ZNF385D: variants seen among roughly 807,000 people sequenced by gnomAD.
ZNF385D encodes the protein zinc finger protein 659.
A neutral mutation model predicts 35.8 loss-of-function variants in ZNF385D; 15 were observed. The observed-to-expected ratio is 0.42, with a 90% CI of 0.28 to 0.64. ZNF385D has a LOEUF of 0.64. ZNF385D is among the 30% of genes least tolerant of loss of function. The probability of loss-of-function intolerance (pLI) is 0.23; values close to 1 mark genes in which losing one functional copy is unlikely to be tolerated. For missense variants in ZNF385D, 474 were observed against 494.6 expected (o/e 0.96, Z 0.39); for synonymous variants, 212 against 186.8 (o/e 1.13, Z -1.10).
chr3:21,865,643 G>A (rs1043031566), intron 3 of ZNF385D, among the ~76,000 whole-genome samples: 5 of 152,044 alleles, frequency 3.3e-5, no homozygotes, highest in African/African-American at 1.2e-4. Flanking sequence ...GAACACTGCT[G>A]GGTAATCTGT....
chr3:21,787,718 A>G (rs1288672610), intron 3 of ZNF385D, among the ~76,000 whole-genome samples: 1 of 152,114 alleles, frequency 6.6e-6, no homozygotes, highest in Non-Finnish European at 1.5e-5. Context: ...ATCACAACAT[A>G]TTTGAGGAAA....
intron 2 of ZNF385D, among the ~76,000 whole-genome samples, chr3:21,617,131 T>G (rs2064871549): frequency 6.6e-6 from 1 of 152,170 alleles, no homozygotes; most frequent in Non-Finnish European, 1.5e-5. Flanking sequence ...CAAGCCTTAA[T>G]GTGTTAAGTA....
intron 1 of ZNF385D, among the ~76,000 whole-genome samples, chr3:21,728,279 T>TATAATA (rs111369677): frequency 0.054 from 7,854 of 144,818 alleles, 248 homozygotes; most frequent in South Asian, 0.13. Flanking sequence ...GAACTTAAAG[T>TATAATA]ATAATAATAA....
intron 2 of ZNF385D, among the ~76,000 whole-genome samples, chr3:21,636,388 A>ATGATTATATATATATATATATATATGAT (rs367979581): frequency 2.3e-5 from 1 of 43,484 alleles, no homozygotes; most frequent in Non-Finnish European, 4.0e-5. Flanking sequence ...TTATATATAT[A>ATGATTATATATATATATATATATATGAT]TATATATATA....
intron 1 of ZNF385D, among the ~76,000 whole-genome samples, chr3:21,746,035 A>C (rs1427046408): frequency 6.6e-6 from 1 of 152,230 alleles, no homozygotes. Flanking sequence ...TATATATAAC[A>C]AGGAACTATT....
rs373105142 is a variant in ZNF385D, at chr3:21,684,365, CCTCTCT to C, written c.23-19343_23-19338del. 2.8e-3 allele frequency among the ~76,000 whole-genome samples: 209 copies of C among 73,336 alleles called. 4 individuals carry two copies. Among genetic ancestry groups the C allele is most frequent in the South Asian group, 8.8e-3 (14 of 1,588 alleles). 48.1% of individuals were successfully genotyped at this position (73,336 alleles called of 152,430 possible). ...AAAGCCATAAATGGTTAACTGTTCT[CCTCTCT>C]CTCTCTCTCTCTCTCTCTCTCTCTC... On this transcript the variant is annotated intron_variant, in intron 1 of 7. Transcript: ENST00000281523.
intron 3 of ZNF385D, among the ~76,000 whole-genome samples, chr3:21,995,664 A>C (rs1463080768): frequency 6.6e-6 from 1 of 151,594 alleles, no homozygotes; most frequent in Non-Finnish European, 1.5e-5. Flanking sequence ...ATACCCCCAA[A>C]TGGCATTCTC....
In ZNF385D at chr3:21,803,053, C is replaced by A. The variant is rs117601485; in HGVS notation, c.326-138025G>T. 5.2e-4 allele frequency among the ~76,000 whole-genome samples: 79 copies of A among 152,294 alleles called. No individual in the cohort carries two copies. The East Asian group carries it at 0.015, about 29-fold the overall frequency. On this transcript the variant is annotated intron_variant, in intron 3 of 5. Transcript: ENST00000494108. ...TTAATTATGTTAAGAGTTTGTCTAA[C>A]TTCAAGGCAAGATGGCTGCAAGTTA...
rs911952467 is a variant in ZNF385D at position 21,490,901 on chromosome 3, C to T, written c.439+19960G>A. Among the ~76,000 whole-genome samples, 7 of 126,884 alleles carry T rather than the reference C, an allele frequency of 5.5e-5. No individual in the cohort carries two copies. The Admixed American group carries it at 6.2e-4, about 11-fold the overall frequency. 83.2% of individuals were successfully genotyped at this position (126,884 alleles called of 152,430 possible). A position where few individuals can be genotyped will look rare whatever the true frequency, so the allele number is the denominator to read the frequency against. On this transcript the variant is annotated intron_variant, in intron 4 of 7. Transcript: ENST00000281523. ...ATTAGCCTCATTATTCACTGAGCAT[C>T]ACTTCCACTCAGCTGGTCATCGGCT... is the stretch of plus-strand genomic sequence containing the variant.
chr3:21,455,262 G>C (rs1702724356), intron 4 of ZNF385D, among the ~76,000 whole-genome samples: 1 of 152,112 alleles, frequency 6.6e-6, no homozygotes, highest in Non-Finnish European at 1.5e-5. Flanking sequence ...AACCAAAAAA[G>C]AACCCGCATC....
Position 21,421,142 on chromosome 3 carries a change from T to A in ZNF385D, c.*72A>T. On this transcript the variant is annotated 3_prime_UTR_variant, in exon 8 of 8. Coordinates refer to ENST00000281523, the MANE Select transcript of ZNF385D (RefSeq NM_024697.3). Reference sequence around the variant, plus strand: ...CTTTAAACTATAAATAAACACTGCATAGTTCTCTTTTGTTTGTTTTGTTTT... The same window carrying A: ...CTTTAAACTATAAATAAACACTGCAAAGTTCTCTTTTGTTTGTTTTGTTTT... 1 of 1,176,714 alleles carries A rather than the reference T, an allele frequency of 8.5e-7. No individual in the cohort carries two copies. The highest frequency in any genetic ancestry group is 1.2e-6 in the Non-Finnish European group (1 of 822,460). 72.9% of individuals were successfully genotyped at this position (1,176,714 alleles called of 1,614,324 possible).
Position 22,169,414 on chromosome 3 carries a change from A to T in ZNF385D, c.107-379T>A, listed in dbSNP as rs187956978. On this transcript the variant is annotated intron_variant, in intron 2 of 5. Transcript: ENST00000494108. ...AGTGGTATAGCTGTGATAAGCATTC[A>T]GTTTATCTCTAAATCCAAAGTTTTT... Among the ~76,000 whole-genome samples, 76 of 152,338 alleles carry T rather than the reference A, an allele frequency of 5.0e-4. 2 individuals are homozygous for T. The highest frequency in any genetic ancestry group is 5.1e-4 in the Non-Finnish European group (35 of 68,016).
At chr3:21,961,226 A>C (rs1576015931) in intron 3 of ZNF385D, among the ~76,000 whole-genome samples, 1 of 152,232 alleles carries the variant, frequency 6.6e-6, no homozygotes, top group East Asian at 1.9e-4. Flanking sequence ...AAAGAAAATA[A>C]TTTTTAAATG....
chr3:21,673,966 A>G (rs2066649976), intron 1 of ZNF385D, among the ~76,000 whole-genome samples: 1 of 152,144 alleles, frequency 6.6e-6, no homozygotes, highest in African/African-American at 2.4e-5. Flanking sequence ...AATTTTACCC[A>G]TGATATCTAG....
rs112953905 is a variant in ZNF385D, at chr3:21,620,998, G to GCACACA, written c.165+43882_165+43887dup. Among the ~76,000 whole-genome samples, 487 of 150,676 alleles carry GCACACA rather than the reference G, an allele frequency of 3.2e-3. 2 individuals carry two copies. The highest frequency in any genetic ancestry group is 0.011 in the African/African-American group (454 of 41,152). ...CACAGGCATGCACATGTGTGTGTGC[G>GCACACA]CACACACACACACACACAATTTTCT... On this transcript the variant is annotated intron_variant, in intron 2 of 7. Transcript: ENST00000281523.
intron 3 of ZNF385D, among the ~76,000 whole-genome samples, chr3:22,047,220 A>G (rs1699056812): frequency 1.3e-5 from 2 of 152,244 alleles, no homozygotes; most frequent in South Asian, 2.1e-4. Flanking sequence ...TAGTTTGATC[A>G]TGCATCAGCT....
rs116332453 is a variant in ZNF385D, at chr3:21,993,105, T to A, written c.325+175712A>T. 2.9e-3 allele frequency among the ~76,000 whole-genome samples: 446 copies of A among 152,328 alleles called. 3 individuals are homozygous for A. The highest frequency in any genetic ancestry group is 7.5e-3 in the Admixed American group (115 of 15,298). ...GCCAGATACATAACTCTCCTGTAGA[T>A]TTAATTTGTATTTCTATTTCCACTG... On this transcript the variant is annotated intron_variant, in intron 3 of 5. Coordinates refer to the ZNF385D transcript ENST00000494108.
At chr3:21,888,970 G>T (rs902980473) in intron 3 of ZNF385D, among the ~76,000 whole-genome samples, 1 of 152,216 alleles carries the variant, frequency 6.6e-6, no homozygotes, top group African/African-American at 2.4e-5. Context: ...AAAAGAGGCT[G>T]CAGGTCTAGA....
intron 3 of ZNF385D, among the ~76,000 whole-genome samples, chr3:21,941,807 C>A (rs201933038): frequency 6.6e-6 from 1 of 151,764 alleles, no homozygotes; most frequent in East Asian, 1.9e-4. Context: ...TCTTTAATTT[C>A]TGTGTTATGG....
Sources: allele counts gnomAD v4.1 joint callset (sites outside exome capture counted in the v4.1 genomes callset), GRCh38; gene constraint gnomAD v4.1.1; transcripts MANE v1.5; gene names NCBI Gene and HGNC (gene_info 2026-07-23, HGNC 2026-07-21).